RERG: variants seen among roughly 807,000 people sequenced by gnomAD.
RERG encodes the protein RAS like estrogen regulated growth inhibitor.
In RERG, 25 loss-of-function variants were observed where a neutral mutation model predicts 23.2. The observed-to-expected ratio is 1.08, with a 90% CI of 0.79 to 1.50. RERG has a LOEUF of 1.50. Among genes scored for constraint, RERG ranks in the 40% most tolerant of loss-of-function variants. The pLI is 0.00. For missense variants in RERG, 253 were observed against 250.1 expected, an observed-to-expected ratio of 1.01 and a Z score of -0.08; for synonymous variants, 81 against 89.1, an observed-to-expected ratio of 0.91 and a Z score of 0.51.
At chr12:15,198,617 A>T (rs917843902) in intron 2 of RERG, among the ~76,000 whole-genome samples, 4 of 152,178 alleles carry the variant, frequency 2.6e-5, no homozygotes, top group African/African-American at 9.6e-5. Flanking sequence ...GGCCTACAAC[A>T]ATCAAATTTA....
At chr12:15,215,523 A>G (rs1048376918) in intron 2 of RERG, among the ~76,000 whole-genome samples, 8 of 152,276 alleles carry the variant, frequency 5.3e-5, no homozygotes, top group Middle Eastern at 3.4e-3. Context: ...AGAACTGGAA[A>G]ATGATCATTA....
rs868745857 is a variant in RERG, at chr12:15,215,863, G to T, written c.61+1566C>A. On this transcript the variant is annotated intron_variant, in intron 2 of 4. Coordinates refer to ENST00000256953, the MANE Select transcript of RERG (RefSeq NM_032918.3). Reference sequence around the variant, plus strand: ...AGCTTGCTCCGAGATCATGAAGATGGGAAACGGATGGACGCACGTACAGCT... The same window carrying T: ...AGCTTGCTCCGAGATCATGAAGATGTGAAACGGATGGACGCACGTACAGCT... 1.7e-4 allele frequency among the ~76,000 whole-genome samples: 26 copies of T among 152,240 alleles called. No homozygotes were observed. In the Middle Eastern group the frequency reaches 0.01, roughly 60 times the overall value.
intron 2 of RERG, among the ~76,000 whole-genome samples, chr12:15,158,308 A>C (rs1864552651): frequency 1.3e-5 from 2 of 151,760 alleles, no homozygotes; most frequent in Admixed American, 6.6e-5. Context: ...TTTAGATAGA[A>C]TCTCGCTCTG....
intron 2 of RERG, among the ~76,000 whole-genome samples, chr12:15,213,570 G>A (rs1054357386): frequency 2.0e-5 from 3 of 152,190 alleles, no homozygotes; most frequent in Non-Finnish European, 4.4e-5. Context: ...GATAAACTTA[G>A]AAGGAACAAG....
Position 15,155,973 on chromosome 12 carries a change from T to C in RERG, c.62-34854A>G, listed in dbSNP as rs550873870. 9.5e-5 allele frequency among the ~76,000 whole-genome samples: 14 copies of C among 147,640 alleles called. No individual in the cohort carries two copies. The South Asian group carries it at 3.0e-3, about 31-fold the overall frequency. ...AACTAACCTGCACAAAGTGCACATG[T>C]ACCCTAAAACTTAAAGTATAATAAA... On this transcript the variant is annotated intron_variant, in intron 2 of 4. Coordinates refer to ENST00000256953, the MANE Select transcript of RERG (RefSeq NM_032918.3).
intron 2 of RERG, among the ~76,000 whole-genome samples, chr12:15,171,160 A>T (rs1020156068): frequency 1.2e-4 from 19 of 152,128 alleles, no homozygotes. Flanking sequence ...GCATTCACCC[A>T]CTTAGGAGGC....
intron 2 of RERG, among the ~76,000 whole-genome samples, chr12:15,122,806 TG>T (rs766539896): frequency 2.0e-4 from 30 of 151,086 alleles, no homozygotes; most frequent in South Asian, 2.1e-4. Flanking sequence ...TTTTGTTTTT[TG>T]TTTTCGTTTT....
rs11304470 is a variant in RERG, at chr12:15,177,839, G to GTTTTTTT, written c.61+39583_61+39589dup. The stretch of plus-strand genomic sequence containing the variant: ...GATATCTCTCTGGCTCCCTCTGTTT[G>GTTTTTTT]TTTTTTTTTTTTTTTTTTTTAGCTG... On this transcript the variant is annotated intron_variant, in intron 2 of 4. Transcript: ENST00000256953. 8.2e-4 allele frequency among the ~76,000 whole-genome samples: 92 copies of GTTTTTTT among 112,834 alleles called. 1 individual carries two copies. Among genetic ancestry groups the GTTTTTTT allele is most frequent in the Non-Finnish European group, 1.3e-3 (69 of 53,090 alleles). The allele number at this position is 112,834 out of a possible 152,430, so 74.0% of individuals were successfully genotyped here.
At chr12:15,144,413 C>T (rs1289567309) in intron 2 of RERG, among the ~76,000 whole-genome samples, 1 of 152,010 alleles carries the variant, frequency 6.6e-6, no homozygotes, top group East Asian at 1.9e-4. Context: ...TATAGGAGTA[C>T]CCTGAACTCT....
At chr12:15,119,548 A>G (rs561177988) in intron 3 of RERG, among the ~76,000 whole-genome samples, 6 of 152,280 alleles carry the variant, frequency 3.9e-5, no homozygotes, top group Admixed American at 3.3e-4. Context: ...TAAGAGAAGA[A>G]TAAGTATTCA....
chr12:15,210,389 C>A (rs767773552), intron 2 of RERG, among the ~76,000 whole-genome samples: 12 of 152,080 alleles, frequency 7.9e-5, no homozygotes, highest in Non-Finnish European at 1.8e-4. Flanking sequence ...AATAAAAAAG[C>A]AAGAACAGAG....
At chr12:15,151,455 G>C (rs1166376043) in intron 2 of RERG, among the ~76,000 whole-genome samples, 1 of 152,168 alleles carries the variant, frequency 6.6e-6, no homozygotes, top group East Asian at 1.9e-4. Flanking sequence ...ATAAGTGGTA[G>C]AAACTGATAT....
intron 2 of RERG, among the ~76,000 whole-genome samples, chr12:15,177,195 G>A (rs150222743): frequency 3.3e-5 from 5 of 152,326 alleles, no homozygotes; most frequent in African/African-American, 1.2e-4. Flanking sequence ...GCTCACACCT[G>A]TAATCCTAGC....
chr12:15,181,131 C>A (rs1283815112), intron 2 of RERG, among the ~76,000 whole-genome samples: 2 of 152,118 alleles, frequency 1.3e-5, no homozygotes, highest in African/African-American at 4.8e-5. Context: ...CTAGTAAGCA[C>A]AGCACATAAC....
chr12:15,175,333 CTGTG>C (rs532399275), intron 2 of RERG, among the ~76,000 whole-genome samples: 18,584 of 111,880 alleles, frequency 0.17, 1,311 homozygotes, highest in Middle Eastern at 0.19. Context: ...CTCTCAGGCT[CTGTG>C]TGTGTGTGTG....
At chr12:15,180,505 C>T (rs74831444) in intron 2 of RERG, among the ~76,000 whole-genome samples, 9,304 of 152,216 alleles carry the variant, frequency 0.061, 967 homozygotes, top group African/African-American at 0.21. Context: ...GCCAAGCTTC[C>T]AGCAAGCAGT....
At chr12:15,158,875 C>A (rs1414843566) in intron 2 of RERG, among the ~76,000 whole-genome samples, 2 of 151,916 alleles carry the variant, frequency 1.3e-5, no homozygotes, top group Non-Finnish European at 2.9e-5. Context: ...ATTAAGGTGG[C>A]ATTTTTTTAG....
chr12:15,199,445 G>A (rs531028916), intron 2 of RERG, among the ~76,000 whole-genome samples: 5 of 151,906 alleles, frequency 3.3e-5, no homozygotes, highest in South Asian at 2.1e-4. Context: ...CGTATTCTTA[G>A]TCCAACTCTG....
At chr12:15,157,994 T>C (rs891821938) in intron 2 of RERG, among the ~76,000 whole-genome samples, 19 of 152,136 alleles carry the variant, frequency 1.2e-4, no homozygotes, top group Admixed American at 6.5e-5. Context: ...TGAGAATAAG[T>C]TGGAAACATT....
Sources: allele counts gnomAD v4.1 joint callset (sites outside exome capture counted in the v4.1 genomes callset), GRCh38; gene constraint gnomAD v4.1.1; transcripts MANE v1.5; gene names NCBI Gene and HGNC (gene_info 2026-07-23, HGNC 2026-07-21).